The following INPP4B variants were observed in gnomAD, a reference collection of about 807,000 sequenced individuals.
The protein encoded by INPP4B is inositol polyphosphate 4-phosphatase type II.
Under a neutral mutation model 122.5 loss-of-function variants are expected in INPP4B, and 55 were observed. The ratio of observed to expected loss-of-function variants is 0.45; its 90% CI spans 0.36 to 0.56. INPP4B has a LOEUF of 0.56. Among genes scored for constraint, INPP4B ranks in the 20% least tolerant of loss-of-function variants. INPP4B has a pLI of 0.00. For missense variants in INPP4B, 1,000 were observed against 1,097.7 expected (o/e 0.91, Z 1.26); for synonymous variants, 403 against 388.7 (o/e 1.04, Z -0.43).
intron 6 of INPP4B, 26 bp downstream of exon 6, chr4:142,405,180 A>AGAGAGAG: frequency 1.5e-6 from 2 of 1,292,620 alleles, no homozygotes; most frequent in Non-Finnish European, 2.2e-6. Context: ...AGAGAGAGAG[A>AGAGAGAG]TTAATGTAGG....
chr4:142,145,736 C>A, intron 18 of INPP4B, 104 bp downstream of exon 18: 1 of 1,111,892 alleles, frequency 9.0e-7, no homozygotes, highest in Non-Finnish European at 1.3e-6. Flanking sequence ...TCAGCACTCT[C>A]ATCAAAGATA....
intron 18 of INPP4B, among the ~76,000 whole-genome samples, chr4:142,126,441 CA>C (rs1201193192): frequency 6.6e-6 from 1 of 151,886 alleles, no homozygotes. Flanking sequence ...GAAATAAACC[CA>C]AAGGGTTGAA....
intron 2 of INPP4B, among the ~76,000 whole-genome samples, chr4:142,665,980 A>G (rs975686013): frequency 9.9e-5 from 15 of 152,208 alleles, no homozygotes; most frequent in Non-Finnish European, 2.9e-5. Flanking sequence ...AACAAATAAT[A>G]GAATAGTTCC....
intron 2 of INPP4B, among the ~76,000 whole-genome samples, chr4:142,705,260 T>C (rs1427347689): frequency 6.6e-6 from 1 of 152,134 alleles, no homozygotes. Flanking sequence ...ATCGTGCTTC[T>C]CCGCTGGACA....
At chr4:142,299,016 C>A (rs1047898243) in intron 9 of INPP4B, among the ~76,000 whole-genome samples, 7 of 152,044 alleles carry the variant, frequency 4.6e-5, no homozygotes, top group Non-Finnish European at 1.0e-4. Context: ...AGTGTCAGAG[C>A]TGTCATGGAG....
At chr4:142,119,908 GTAT>G (rs1396142497) in intron 21 of INPP4B, among the ~76,000 whole-genome samples, 13 of 149,540 alleles carry the variant, frequency 8.7e-5, no homozygotes, top group Non-Finnish European at 1.8e-4. Context: ...GTATATATAT[GTAT>G]ATATATAGAA....
At chr4:142,632,576 T>C (rs1320453272) in intron 2 of INPP4B, among the ~76,000 whole-genome samples, 3 of 151,954 alleles carry the variant, frequency 2.0e-5, no homozygotes, top group Admixed American at 6.6e-5. Flanking sequence ...GCAATAAAAA[T>C]AATAAATATG....
intron 2 of INPP4B, among the ~76,000 whole-genome samples, chr4:142,721,770 G>A (rs1358361421): frequency 2.0e-5 from 3 of 152,118 alleles, no homozygotes; most frequent in East Asian, 3.9e-4. Flanking sequence ...GCAGTGAGCC[G>A]AGATCGCGCC....
chr4:142,043,628 C>CA (rs11335396), intron 25 of INPP4B, among the ~76,000 whole-genome samples: 42 of 149,788 alleles, frequency 2.8e-4, no homozygotes, highest in African/African-American at 8.7e-4. Context: ...GATGAGGAGG[C>CA]AAAAAAAAAA....
intron 14 of INPP4B, among the ~76,000 whole-genome samples, chr4:142,198,604 T>C: frequency 6.6e-6 from 1 of 152,012 alleles, no homozygotes; most frequent in Admixed American, 6.6e-5. Flanking sequence ...CTGTTCATTT[T>C]CTTGTTCTCA....
At chr4:142,054,677 A>G (rs1756633991) in intron 25 of INPP4B, among the ~76,000 whole-genome samples, 1 of 151,952 alleles carries the variant, frequency 6.6e-6, no homozygotes. Context: ...TTTCTGATCA[A>G]TTGCTAAGAC....
chr4:142,033,359 A>G (rs1741627673), intron 25 of INPP4B, among the ~76,000 whole-genome samples: 1 of 152,128 alleles, frequency 6.6e-6, no homozygotes, highest in Admixed American at 6.5e-5. Context: ...GCCAGTGGTC[A>G]TTTCCAGCAG....
chr4:142,806,782 A>AGAAAGAAGGAAG (rs771249583), intron 1 of INPP4B, among the ~76,000 whole-genome samples: 2 of 73,060 alleles, frequency 2.7e-5, no homozygotes, highest in African/African-American at 5.0e-5. Flanking sequence ...AAAGAAAGAA[A>AGAAAGAAGGAAG]GAAGGAAAGA....
chr4:142,232,175 A>C (rs2149863369), intron 12 of INPP4B, among the ~76,000 whole-genome samples: 1 of 152,196 alleles, frequency 6.6e-6, no homozygotes, highest in Non-Finnish European at 1.5e-5. Context: ...GTATTTACTA[A>C]TTTTTTGTTA....
chr4:142,351,810 G>A (rs1481099085), intron 7 of INPP4B, among the ~76,000 whole-genome samples: 4 of 151,918 alleles, frequency 2.6e-5, no homozygotes, highest in Non-Finnish European at 4.4e-5. Context: ...AAGAGTTGGG[G>A]TTAAAATGTA....
At chr4:142,498,095 T>G (rs1046580088) in intron 2 of INPP4B, among the ~76,000 whole-genome samples, 2 of 145,670 alleles carry the variant, frequency 1.4e-5, no homozygotes, top group African/African-American at 5.4e-5. Flanking sequence ...GCAATGTATT[T>G]TGTGTGTGTG....
At chr4:142,278,915 T>A (rs1377096663) in intron 9 of INPP4B, among the ~76,000 whole-genome samples, 1 of 151,858 alleles carries the variant, frequency 6.6e-6, no homozygotes, top group African/African-American at 2.4e-5. Context: ...ATGACAAGTA[T>A]GAGGAACAGG....
intron 9 of INPP4B, among the ~76,000 whole-genome samples, chr4:142,298,491 C>T (rs1330399873): frequency 6.6e-5 from 10 of 151,838 alleles, no homozygotes; most frequent in African/African-American, 2.2e-4. Flanking sequence ...TCAAGACAAG[C>T]CTGGCCAAGA....
At chr4:142,746,504 C>T (rs1169408009) in intron 1 of INPP4B, among the ~76,000 whole-genome samples, 2 of 151,976 alleles carry the variant, frequency 1.3e-5, no homozygotes, top group East Asian at 1.9e-4. Context: ...ACTTTCTTCA[C>T]AGAATGAGAA....
Sources: gnomAD v4.1 joint callset for allele counts (sites outside exome capture counted in the v4.1 genomes callset) on GRCh38, gnomAD v4.1.1 for gene constraint, MANE v1.5 for transcripts, NCBI Gene and HGNC (gene_info 2026-07-23, HGNC 2026-07-21) for gene names.